SRGAP3: variants seen among roughly 807,000 people sequenced by gnomAD.
SRGAP3 encodes the protein SLIT-ROBO Rho GTPase activating protein 3, also known as SLIT-ROBO Rho GTPase-activating protein 3.
In SRGAP3, 39 loss-of-function variants were observed where a neutral mutation model predicts 121.1. That is an observed-to-expected ratio of 0.32 (90% confidence interval 0.25 to 0.42). The LOEUF (loss-of-function observed/expected upper bound fraction) is 0.42. Among genes scored for constraint, SRGAP3 ranks in the 10% least tolerant of loss-of-function variants. The pLI, the probability that SRGAP3 is intolerant of heterozygous loss-of-function variation, is 1.00. For synonymous variants in SRGAP3, 601 were observed against 570.0 expected, an observed-to-expected ratio of 1.05 and a Z score of -0.77; for missense variants, 1,213 against 1,470.6, an observed-to-expected ratio of 0.82 and a Z score of 2.86.
intron 3 of SRGAP3, chr3:9,256,687 G>A: frequency 2.5e-6 from 1 of 396,264 alleles, no homozygotes; most frequent in Non-Finnish European, 4.4e-6. Flanking sequence ...CCTCCCCAGG[G>A]GAGGAAAAGT....
At chr3:9,285,733 A>AAGTCC (rs1307081616) in intron 3 of SRGAP3, among the ~76,000 whole-genome samples, 1 of 151,734 alleles carries the variant, frequency 6.6e-6, no homozygotes, top group Non-Finnish European at 1.5e-5. Context: ...GAGTTATTCA[A>AAGTCC]AGTCCAGCCT....
chr3:9,036,711 T>C (rs1944762702), intron 11 of SRGAP3: 1 of 152,188 alleles, frequency 6.6e-6, no homozygotes. Flanking sequence ...TTCTAGGAAT[T>C]AGGAGGAAGT....
intron 1 of SRGAP3, among the ~76,000 whole-genome samples, chr3:9,162,488 C>T (rs1950632404): frequency 6.6e-6 from 1 of 152,170 alleles, no homozygotes; most frequent in Non-Finnish European, 1.5e-5. Flanking sequence ...CTGGGAGCAA[C>T]ATCTGCCTGT....
chr3:9,092,465 C>T (rs879519834), intron 3 of SRGAP3, among the ~76,000 whole-genome samples: 1 of 152,030 alleles, frequency 6.6e-6, no homozygotes, highest in East Asian at 1.9e-4. Context: ...TGAGACAATA[C>T]CTCATGTAAG....
intron 1 of SRGAP3, among the ~76,000 whole-genome samples, chr3:9,157,170 A>C (rs1469504427): frequency 6.6e-6 from 1 of 152,194 alleles, no homozygotes; most frequent in Non-Finnish European, 1.5e-5. Context: ...GCTATACAGG[A>C]GGCGTGACTG....
chr3:9,087,513 T>C (rs1278473727), intron 3 of SRGAP3, among the ~76,000 whole-genome samples: 1 of 152,114 alleles, frequency 6.6e-6, no homozygotes, highest in African/African-American at 2.4e-5. Flanking sequence ...TGATGTGAGA[T>C]GAAGTGATGA....
chr3:9,116,512 C>G (rs1382018714), intron 2 of SRGAP3, among the ~76,000 whole-genome samples: 1 of 152,206 alleles, frequency 6.6e-6, no homozygotes, highest in Non-Finnish European at 1.5e-5. Flanking sequence ...AAGCCCCACA[C>G]AACTCACATG....
chr3:9,055,392 TTC>T (rs1383882143), intron 8 of SRGAP3, among the ~76,000 whole-genome samples: 1 of 152,238 alleles, frequency 6.6e-6, no homozygotes, highest in Admixed American at 6.5e-5. Flanking sequence ...CTGGTGTCCT[TTC>T]TCCAGGGGCC....
intron 1 of SRGAP3, among the ~76,000 whole-genome samples, chr3:9,141,331 A>C (rs1416351885): frequency 6.6e-6 from 1 of 152,184 alleles, no homozygotes; most frequent in African/African-American, 2.4e-5. Flanking sequence ...TTCTGATGAG[A>C]ATGCCACATG....
chr3:8,988,584 A>C (rs1358838050), intron 21 of SRGAP3, among the ~76,000 whole-genome samples: 1 of 151,638 alleles, frequency 6.6e-6, no homozygotes. Flanking sequence ...GTCGTGCAAA[A>C]CGCTCCATGA....
In SRGAP3 at chr3:9,334,901, A is replaced by C. The variant is rs73126631; in HGVS notation, n.215-4305T>G. On this transcript the variant is annotated intron_variant and non_coding_transcript_variant, in intron 1 of 3. Coordinates refer to the SRGAP3 transcript ENST00000490889. The stretch of plus-strand genomic sequence containing the variant: ...CAGCTGACCATGCAAGGTTGTTGGG[A>C]TAACGGGTGTGGAAAAGGCTTTGAA... Among the ~76,000 whole-genome samples, 831 of 152,290 alleles carry C rather than the reference A, an allele frequency of 5.5e-3. 6 individuals carry two copies. Among genetic ancestry groups the C allele is most frequent in the African/African-American group, 0.019 (790 of 41,574 alleles).
intron 1 of SRGAP3, among the ~76,000 whole-genome samples, chr3:9,135,731 C>T (rs1012724667): frequency 2.6e-5 from 4 of 152,174 alleles, no homozygotes; most frequent in Non-Finnish European, 5.9e-5. Flanking sequence ...GGTGGACCCT[C>T]GGCGAATAGC....
intron 17 of SRGAP3, among the ~76,000 whole-genome samples, chr3:9,012,831 C>A (rs1178861493): frequency 6.6e-6 from 1 of 152,146 alleles, no homozygotes; most frequent in Non-Finnish European, 1.5e-5. Flanking sequence ...TGTGTTGGAA[C>A]ATTTGGGAAG....
chr3:9,117,044 T>A lies in SRGAP3; in HGVS notation c.260+7681A>T, dbSNP rs541558472. ...ACCAAACAATCAGGAAAGATCCAGCTGGCACACGGTGCTGAGAGAACAGCA... is the reference window on the plus strand; with the variant it reads ...ACCAAACAATCAGGAAAGATCCAGCAGGCACACGGTGCTGAGAGAACAGCA... On this transcript the variant is annotated intron_variant, in intron 2 of 21. Transcript: ENST00000383836. 3.9e-4 allele frequency among the ~76,000 whole-genome samples: 60 copies of A among 152,292 alleles called. No individual in the cohort carries two copies. The Middle Eastern group carries it at 0.01, about 26-fold the overall frequency.
chr3:9,167,177 C>T (rs1001051777), intron 1 of SRGAP3, among the ~76,000 whole-genome samples: 1 of 152,156 alleles, frequency 6.6e-6, no homozygotes, highest in African/African-American at 2.4e-5. Flanking sequence ...AGGATTGATC[C>T]TCCAGGGCTG....
chr3:9,090,384 C>T (rs1388946642), intron 3 of SRGAP3, among the ~76,000 whole-genome samples: 2 of 149,872 alleles, frequency 1.3e-5, no homozygotes, highest in Admixed American at 1.3e-4. Flanking sequence ...GGATGGTCAC[C>T]CATAACCCTT....
intron 3 of SRGAP3, among the ~76,000 whole-genome samples, chr3:9,086,715 C>T (rs533829816): frequency 1.7e-4 from 24 of 145,048 alleles, no homozygotes; most frequent in South Asian, 1.5e-3. Context: ...CACATCTACA[C>T]ATATACATAT....
intron 10 of SRGAP3, among the ~76,000 whole-genome samples, chr3:9,045,278 C>G (rs972416220): frequency 6.6e-6 from 1 of 151,976 alleles, no homozygotes; most frequent in African/African-American, 2.4e-5. Context: ...AGCCTCTCCA[C>G]GGCCAGCTTA....
At chr3:8,987,532 C>A (rs1205962388) in intron 21 of SRGAP3, among the ~76,000 whole-genome samples, 2 of 150,472 alleles carry the variant, frequency 1.3e-5, no homozygotes, top group Non-Finnish European at 2.9e-5. Context: ...CTCTCCCTCC[C>A]CTGTCTGCAG....
Sources: allele counts gnomAD v4.1 joint callset (sites outside exome capture counted in the v4.1 genomes callset), GRCh38; gene constraint gnomAD v4.1.1; transcripts MANE v1.5; gene names NCBI Gene and HGNC (gene_info 2026-07-23, HGNC 2026-07-21).